Variants in SLC44A3 observed in about 807,000 individuals in gnomAD.
SLC44A3 encodes the protein choline transporter-like protein 3.
Under a neutral mutation model 75.4 loss-of-function variants are expected in SLC44A3, and 74 were observed. The ratio of observed to expected loss-of-function variants is 0.98; its 90% CI spans 0.81 to 1.19. SLC44A3 has a LOEUF of 1.19. SLC44A3 is among the 50% of genes most tolerant of loss of function. The probability of loss-of-function intolerance (pLI) is 0.00; values close to 1 mark genes in which losing one functional copy is unlikely to be tolerated. For synonymous variants in SLC44A3, 310 were observed against 296.9 expected (o/e 1.04, Z -0.45); for missense variants, 700 against 778.6 (o/e 0.90, Z 1.20).
At chr1:94,888,760 C>T (rs577977201) in intron 12 of SLC44A3, 18 of 834,192 alleles carry the variant, frequency 2.2e-5, no homozygotes, top group African/African-American at 2.5e-5. Context: ...GGCGGAGTCT[C>T]GCTCTGTCAC....
chr1:94,834,511 G>A (rs1320724690), intron 5 of SLC44A3, among the ~76,000 whole-genome samples: 4 of 151,838 alleles, frequency 2.6e-5, no homozygotes, highest in Non-Finnish European at 4.4e-5. Context: ...TTTTGAAACA[G>A]TCTTGCCCTG....
At position 94,894,868 on chromosome 1, in the gene SLC44A3, C is replaced by T. The variant is rs1670604617; in HGVS notation, c.1908C>T (p.Asp636=). The T allele has an allele frequency of 6.2e-7, 1 of 1,612,460 alleles. No homozygotes were observed. Among genetic ancestry groups the T allele is most frequent in the Non-Finnish European group, 8.5e-7 (1 of 1,179,058 alleles). The change falls in exon 15 of 15, where the codon GAC becomes GAT. Residue 636 remains aspartate (D), a synonymous_variant. Coordinates refer to ENST00000271227, the MANE Select transcript of SLC44A3 (RefSeq NM_001114106.3). The part of the protein sequence containing the change: ...NKLNNARAQQ[D]KHSLRNEEGT... ...TAAACAATGCAAGGGCACAGCAGGA[C>T]AAGCACTCATTAAGGAATGAGGAGG...
intron 9 of SLC44A3, among the ~76,000 whole-genome samples, chr1:94,856,419 A>G (rs1033361240): frequency 7.9e-5 from 12 of 152,236 alleles, no homozygotes; most frequent in African/African-American, 2.9e-4. Context: ...TGGGAAGGTT[A>G]ACACTGAGGC....
At chr1:94,877,005 C>G (rs951608804) in intron 12 of SLC44A3, among the ~76,000 whole-genome samples, 1 of 151,986 alleles carries the variant, frequency 6.6e-6, no homozygotes, top group Non-Finnish European at 1.5e-5. Flanking sequence ...GATGTGCTAG[C>G]ACTAGGTGAC....
chr1:94,846,146 C>CAA (rs66647106), intron 9 of SLC44A3, among the ~76,000 whole-genome samples: 57,008 of 119,654 alleles, frequency 0.48, 13,123 homozygotes, highest in South Asian at 0.62. Context: ...GACTCTGTCT[C>CAA]AAAAAAAAAA....
intron 9 of SLC44A3, among the ~76,000 whole-genome samples, chr1:94,848,437 A>G (rs559381859): frequency 3.3e-5 from 5 of 152,192 alleles, no homozygotes; most frequent in African/African-American, 1.2e-4. Flanking sequence ...TAGCCTCTAG[A>G]GAATCATCAG....
intron 12 of SLC44A3, among the ~76,000 whole-genome samples, chr1:94,874,958 A>G (rs1668124378): frequency 6.6e-6 from 1 of 152,202 alleles, no homozygotes; most frequent in African/African-American, 2.4e-5. Context: ...CACCTTGAAT[A>G]TGAAATCATC....
At chr1:94,887,824 G>A (rs752869354) in intron 12 of SLC44A3, among the ~76,000 whole-genome samples, 2 of 152,078 alleles carry the variant, frequency 1.3e-5, no homozygotes, top group African/African-American at 4.8e-5. Context: ...ACGATGCTGG[G>A]GGCTGGCAGG....
chr1:94,884,466 A>AT (rs1033243983), intron 12 of SLC44A3, among the ~76,000 whole-genome samples: 7 of 152,040 alleles, frequency 4.6e-5, no homozygotes, highest in African/African-American at 1.7e-4. Context: ...ATTTCACTGT[A>AT]TTTTTTTTCA....
intron 8 of SLC44A3, among the ~76,000 whole-genome samples, chr1:94,843,827 A>G (rs1416010761): frequency 1.4e-5 from 2 of 146,212 alleles, no homozygotes; most frequent in Non-Finnish European, 3.0e-5. Context: ...TTTGCGCTTT[A>G]CAAAGGTCCC....
intron 11 of SLC44A3, among the ~76,000 whole-genome samples, chr1:94,866,441 T>C (rs1388361637): frequency 6.6e-6 from 1 of 152,084 alleles, no homozygotes; most frequent in Non-Finnish European, 1.5e-5. Flanking sequence ...ATTGGGAAAA[T>C]GTGTCCTTTC....
At chr1:94,849,574 G>C (rs766442236) in intron 9 of SLC44A3, among the ~76,000 whole-genome samples, 1 of 152,142 alleles carries the variant, frequency 6.6e-6, no homozygotes, top group Non-Finnish European at 1.5e-5. Flanking sequence ...ACTCTGAGCC[G>C]CTTTCACCTC....
intron 2 of SLC44A3, among the ~76,000 whole-genome samples, chr1:94,823,306 A>G (rs1419616899): frequency 1.3e-5 from 2 of 152,240 alleles, no homozygotes; most frequent in African/African-American, 4.8e-5. Flanking sequence ...CCACATTGGC[A>G]AACAGAGTCA....
At chr1:94,852,577 G>C (rs1343444857) in intron 9 of SLC44A3, among the ~76,000 whole-genome samples, 2 of 152,166 alleles carry the variant, frequency 1.3e-5, no homozygotes, top group Non-Finnish European at 2.9e-5. Flanking sequence ...AGGAACTTTG[G>C]CTTCTAACCT....
At chr1:94,889,314 A>G (rs1669944621) in intron 12 of SLC44A3, 1 of 152,162 alleles carries the variant, frequency 6.6e-6, no homozygotes, top group African/African-American at 2.4e-5. Context: ...AAAAACTTTC[A>G]TCCTTTATCC....
At chr1:94,858,979 G>C (rs9432592) in intron 10 of SLC44A3, among the ~76,000 whole-genome samples, 30,611 of 151,982 alleles carry the variant, frequency 0.2, 3,328 homozygotes, top group Middle Eastern at 0.27. Context: ...GATGAGCCAC[G>C]ACACCCGGCC....
At chr1:94,851,069 G>T (rs1665156132) in intron 9 of SLC44A3, among the ~76,000 whole-genome samples, 1 of 151,940 alleles carries the variant, frequency 6.6e-6, no homozygotes, top group Admixed American at 6.6e-5. Context: ...CCATACCTTT[G>T]CTCCTGCTGG....
intron 9 of SLC44A3, among the ~76,000 whole-genome samples, chr1:94,846,968 G>A (rs1664483172): frequency 6.6e-6 from 1 of 152,248 alleles, no homozygotes; most frequent in Non-Finnish European, 1.5e-5. Context: ...CTGCCTGGAA[G>A]GCATGGCCCT....
Position 94,827,953 on chromosome 1 carries a change from G to A in SLC44A3, c.415+310G>A, listed in dbSNP as rs552377497. ...TTAAGACCCAAAGGCGGTGTCAGAA[G>A]GAAGGCAGAGAGCTCCATGCACGTG... On this transcript the variant is annotated intron_variant, in intron 4 of 14. Coordinates refer to ENST00000271227, the MANE Select transcript of SLC44A3 (RefSeq NM_001114106.3). Among the ~76,000 whole-genome samples, 399 of 152,214 alleles carry A rather than the reference G, an allele frequency of 2.6e-3. 3 individuals are homozygous for A. Among genetic ancestry groups the A allele is most frequent in the Middle Eastern group, 0.01 (3 of 294 alleles).
Sources: allele counts gnomAD v4.1 joint callset (sites outside exome capture counted in the v4.1 genomes callset), GRCh38; gene constraint gnomAD v4.1.1; transcripts MANE v1.5; gene names NCBI Gene and HGNC (gene_info 2026-07-23, HGNC 2026-07-21).